Variants in ATP2A2 observed in about 807,000 individuals in gnomAD.
ATP2A2 encodes ATPase sarcoplasmic/endoplasmic reticulum Ca2+ transporting 2.
ATP2A2 carries 14 observed loss-of-function variants against 109.3 expected under a neutral mutation model. The ratio of observed to expected loss-of-function variants is 0.13; its 90% CI spans 0.08 to 0.20. The LOEUF is 0.20. ATP2A2 is among the 10% of genes least tolerant of loss of function. ATP2A2 has a pLI of 1.00. For synonymous variants in ATP2A2, 506 were observed against 490.9 expected (o/e 1.03, Z -0.41); for missense variants, 657 against 1,321.6 (o/e 0.50, Z 7.80).
Position 110,346,769 on chromosome 12 carries a change from A to AAAAT in ATP2A2, c.*301_*304dup, listed in dbSNP as rs1004337131. The AAAAT allele has an allele frequency of 1.7e-6, 2 of 1,191,520 alleles. No homozygotes were observed. Among genetic ancestry groups the AAAAT allele is most frequent in the African/African-American group, 3.2e-5 (2 of 62,610 alleles). The allele number at this position is 1,191,520 out of a possible 1,614,324, so 73.8% of individuals were successfully genotyped here. Reference sequence around the variant, plus strand: ...GTTTAATACTCATCCTTGTATAAAAAAAATAGTTGAGCCAGCAGACATTGT... The same window carrying AAAAT: ...GTTTAATACTCATCCTTGTATAAAAAAAATAAATAGTTGAGCCAGCAGACATTGT... On this transcript the variant is annotated 3_prime_UTR_variant, in exon 20 of 20. Coordinates refer to ENST00000539276, the MANE Select transcript of ATP2A2 (RefSeq NM_170665.4).
At chr12:110,291,108 G>A (rs899712879) in intron 3 of ATP2A2, among the ~76,000 whole-genome samples, 3 of 151,578 alleles carry the variant, frequency 2.0e-5, no homozygotes, top group Non-Finnish European at 1.5e-5. Flanking sequence ...GGGTTTCTTC[G>A]TGTTGGTCAG....
intron 5 of ATP2A2, among the ~76,000 whole-genome samples, chr12:110,319,227 A>G (rs1876994982): frequency 2.1e-5 from 3 of 143,704 alleles, no homozygotes; most frequent in Admixed American, 2.1e-4. Context: ...AAAAATGAAA[A>G]AAAAAAAAAA....
Position 110,327,876 on chromosome 12 carries a change from C to T in ATP2A2, c.954C>T (p.Cys318=), listed in dbSNP as rs1342705525. 6.2e-7 allele frequency: 1 copy of T among 1,614,112 alleles called. No homozygotes were observed. Reference sequence around the variant, plus strand: ...GTCTGCCTGCAGTCATCACCACCTGCCTGGCTCTTGGAACTCGCAGAATGG... The same window carrying T: ...GTCTGCCTGCAGTCATCACCACCTGTCTGGCTCTTGGAACTCGCAGAATGG... ...PEGLPAVITT[C]LALGTRRMAK... Residue 318 remains cysteine (C), a synonymous_variant, in exon 8 of 20, where the codon TGC becomes TGT. Transcript: ENST00000539276. The surrounding 1 kb of genome is among the most constrained non-coding windows in gnomAD (Gnocchi z 4.4).
intron 8 of ATP2A2, among the ~76,000 whole-genome samples, chr12:110,328,993 C>T (rs1592847186): frequency 6.6e-6 from 1 of 152,194 alleles, no homozygotes; most frequent in Admixed American, 6.5e-5. Flanking sequence ...TTGAATGAAG[C>T]GTGCTTTTTC....
At chr12:110,289,555 C>T (rs1873042196) in intron 3 of ATP2A2, among the ~76,000 whole-genome samples, 1 of 152,034 alleles carries the variant, frequency 6.6e-6, no homozygotes, top group Non-Finnish European at 1.5e-5. Flanking sequence ...CTGGTGCCTC[C>T]TGTTTTTATT....
rs376964571 is a variant in ATP2A2, at chr12:110,349,410, C to A, written c.*2940C>A. On this transcript the variant is annotated 3_prime_UTR_variant, in exon 20 of 20. Transcript: ENST00000539276. ...CCATCAGTGTCGCTTGTTGCCACCC[C>A]GTGCCTCCCTTGGCCTCTCTGAGCT... 4.1e-6 allele frequency: 4 copies of A among 985,454 alleles called. No individual in the cohort carries two copies. In the African/African-American group the frequency reaches 7.0e-5, roughly 17 times the overall value. 61.0% of individuals were successfully genotyped at this position (985,454 alleles called of 1,614,324 possible). A position where few individuals can be genotyped will look rare whatever the true frequency, so the allele number is the denominator to read the frequency against.
At position 110,343,475 on chromosome 12, in the gene ATP2A2, T is replaced by C. The variant is rs752604487; in HGVS notation, c.2521+41T>C. On this transcript the variant is annotated intron_variant, in intron 16 of 19. Coordinates refer to ENST00000539276, the MANE Select transcript of ATP2A2 (RefSeq NM_170665.4). ...TTATATTACTGATTTTTAAACAAAA[T>C]GTTTGTGAGCTGAAATTTTGTAAAT... 4 of 1,606,196 alleles carry C rather than the reference T, an allele frequency of 2.5e-6. No individual in the cohort carries two copies. The Admixed American group carries it at 5.0e-5, about 20-fold the overall frequency.
rs191214739 is a variant in ATP2A2, at chr12:110,344,556, C to A, written c.2522-330C>A. Reference sequence around the variant, plus strand: ...TGCAGCCTTACATGGAGTACACACACACTTGCAGCCTTGAAGTACTACCCA... The same window carrying A: ...TGCAGCCTTACATGGAGTACACACAAACTTGCAGCCTTGAAGTACTACCCA... On this transcript the variant is annotated intron_variant, in intron 16 of 19. Transcript: ENST00000539276. Among the ~76,000 whole-genome samples, 326 of 152,334 alleles carry A rather than the reference C, an allele frequency of 2.1e-3. 1 individual carries two copies. The highest frequency in any genetic ancestry group is 3.4e-3 in the Non-Finnish European group (229 of 68,032).
chr12:110,296,488 G>A (rs1373214813), intron 4 of ATP2A2, 111 bp from the exon 5 acceptor site: 45 of 1,371,850 alleles, frequency 3.3e-5, no homozygotes, highest in Non-Finnish European at 4.0e-5. Flanking sequence ...AATGTTACTG[G>A]TGGGCTTCCT....
rs757113029 is a variant in ATP2A2, at chr12:110,340,635, T to A, written c.1762-24T>A. Reference sequence around the variant, plus strand: ...CAAAAACTAGAACTTGCCACTTTTATTTAAAGTGATGCTCTTATTTTAGAC... The same window carrying A: ...CAAAAACTAGAACTTGCCACTTTTAATTAAAGTGATGCTCTTATTTTAGAC... On this transcript the variant is annotated intron_variant, in intron 13 of 19. Coordinates refer to ENST00000539276, the MANE Select transcript of ATP2A2 (RefSeq NM_170665.4). The surrounding 1 kb of genome is among the most constrained non-coding windows in gnomAD (Gnocchi z 6.0). 6.2e-7 allele frequency: 1 copy of A among 1,611,920 alleles called. No individual in the cohort carries two copies. The highest frequency in any genetic ancestry group is 8.5e-7 in the Non-Finnish European group (1 of 1,178,150).
At chr12:110,308,876 A>G (rs990164180) in intron 5 of ATP2A2, among the ~76,000 whole-genome samples, 5 of 152,200 alleles carry the variant, frequency 3.3e-5, no homozygotes, top group Non-Finnish European at 5.9e-5. Flanking sequence ...GGTTTTTCAG[A>G]TGTGTTGGAA....
Position 110,350,427 on chromosome 12 carries a change from T to A in ATP2A2, c.*3957T>A. ...TTGGGGAAAAAGAAAAGTAAAAAAC[T>A]TCCCAACTCACTTTGTGTTATGTGG... On this transcript the variant is annotated 3_prime_UTR_variant, in exon 20 of 20. Coordinates refer to ENST00000539276, the MANE Select transcript of ATP2A2 (RefSeq NM_170665.4). 1.2e-5 allele frequency: 18 copies of A among 1,511,636 alleles called. No homozygotes were observed. The highest frequency in any genetic ancestry group is 1.6e-5 in the Non-Finnish European group (17 of 1,090,880). The allele number at this position is 1,511,636 out of a possible 1,614,324, so 93.6% of individuals were successfully genotyped here. A position where few individuals can be genotyped will look rare whatever the true frequency, so the allele number is the denominator to read the frequency against.
intron 5 of ATP2A2, among the ~76,000 whole-genome samples, chr12:110,299,251 G>T (rs747339903): frequency 6.6e-6 from 1 of 151,828 alleles, no homozygotes; most frequent in Non-Finnish European, 1.5e-5. Flanking sequence ...GATTACAGAC[G>T]TGAGCCCACT....
intron 5 of ATP2A2, among the ~76,000 whole-genome samples, chr12:110,298,287 T>A (rs2137725097): frequency 6.6e-6 from 1 of 152,358 alleles, no homozygotes; most frequent in South Asian, 2.1e-4. Flanking sequence ...GTTACATATA[T>A]GCCAGTAAGC....
rs546769421 is a variant in ATP2A2 at position 110,302,347 on chromosome 12, C to G, written c.463+5610C>G. 2.6e-5 allele frequency among the ~76,000 whole-genome samples: 4 copies of G among 151,438 alleles called. No homozygotes were observed. The South Asian group carries it at 6.2e-4, about 24-fold the overall frequency. ...TTCAAAAGACAATGAATTTAATATT[C>G]AAAAAAAACCTGAGTTTAAATCCCT... On this transcript the variant is annotated intron_variant, in intron 5 of 19. Coordinates refer to ENST00000539276, the MANE Select transcript of ATP2A2 (RefSeq NM_170665.4).
In ATP2A2 at chr12:110,340,673, C is replaced by G; in HGVS notation, c.1776C>G (p.Phe592Leu). 6.2e-7 allele frequency: 1 copy of G among 1,614,172 alleles called. No individual in the cohort carries two copies. Among genetic ancestry groups the G allele is most frequent in the Non-Finnish European group, 8.5e-7 (1 of 1,180,024 alleles). Reference sequence around the variant, plus strand: ...TCTTATTTTAGACCAATCTGACCTTCGTTGGCTGCGTGGGCATGCTGGATC... The same window carrying G: ...TCTTATTTTAGACCAATCTGACCTTGGTTGGCTGCGTGGGCATGCTGGATC... The part of the protein sequence containing the change: ...NFIKYETNLT[F>L]VGCVGMLDPP... Residue 592 changes from phenylalanine to leucine, a missense_variant, in exon 14 of 20, where the codon TTC (phenylalanine) becomes TTG (leucine). By Grantham distance (22) the Phe-to-Leu change is conservative. This residue lies in a region of ATP2A2 where 180 missense variants were observed against 329.1 expected (regional missense o/e 0.55). Coordinates refer to ENST00000539276, the MANE Select transcript of ATP2A2 (RefSeq NM_170665.4). This position sits in a 1 kb window ranked among gnomAD's most constrained non-coding sequence, Gnocchi z 6.0.
intron 6 of ATP2A2, 105 bp from the exon 7 acceptor site, chr12:110,326,285 A>G (rs1372023833): frequency 9.2e-7 from 1 of 1,088,082 alleles, no homozygotes; most frequent in Admixed American, 2.0e-5. Context: ...CTTTTCTCAC[A>G]CTAACAGTAT....
chr12:110,292,190 C>T, intron 4 of ATP2A2, 66 bp downstream of exon 4: 1 of 1,179,144 alleles, frequency 8.5e-7, no homozygotes, highest in Non-Finnish European at 1.3e-6. Flanking sequence ...CTGTATTAAT[C>T]TTTCTGTTAT....
chr12:110,310,667 C>T lies in ATP2A2; in HGVS notation c.464-12325C>T, dbSNP rs1431669418. Among the ~76,000 whole-genome samples the T allele has an allele frequency of 3.3e-5, 5 of 152,052 alleles. No individual in the cohort carries two copies. In the East Asian group the frequency reaches 7.7e-4, roughly 23 times the overall value. ...TGGAAGCAACACAATCTTAAAATTGCATTTGCTTTAGCACTTGTACAGAAA... is the reference window on the plus strand; with the variant it reads ...TGGAAGCAACACAATCTTAAAATTGTATTTGCTTTAGCACTTGTACAGAAA... On this transcript the variant is annotated intron_variant, in intron 5 of 19. Coordinates refer to ENST00000539276, the MANE Select transcript of ATP2A2 (RefSeq NM_170665.4).
Sources: allele counts gnomAD v4.1 joint callset (sites outside exome capture counted in the v4.1 genomes callset), GRCh38; gene constraint gnomAD v4.1.1; regional missense constraint gnomAD v4.1.1; non-coding constraint Gnocchi (gnomAD v3.1); transcripts MANE v1.5; gene names NCBI Gene and HGNC (gene_info 2026-07-23, HGNC 2026-07-21).